The following SDK2 variants were observed in gnomAD, a reference collection of about 807,000 sequenced individuals.
The protein encoded by SDK2 is sidekick cell adhesion molecule 2.
In SDK2, 105 loss-of-function variants were observed where a neutral mutation model predicts 253.9. That is an observed-to-expected ratio of 0.41 (90% CI 0.35 to 0.49). The LOEUF (loss-of-function observed/expected upper bound fraction) is 0.49, where lower values mean the gene tolerates loss of function less well. Ranked by LOEUF, SDK2 falls within the 20% of genes least tolerant of loss-of-function variation. The probability of loss-of-function intolerance (pLI) is 0.06; values close to 1 mark genes in which losing one functional copy is unlikely to be tolerated. For synonymous variants in SDK2, 1,249 were observed against 1,234.9 expected (o/e 1.01, Z -0.24); for missense variants, 2,608 against 3,003.0 (o/e 0.87, Z 3.07).
At position 73,335,659 on chromosome 17, in the gene SDK2, C is replaced by T. The variant is rs777097558; in HGVS notation, c.*2928G>A. On this transcript the variant is annotated 3_prime_UTR_variant, in exon 45 of 45. Transcript: ENST00000392650. The stretch of plus-strand genomic sequence containing the variant: ...GAGTGGGTATTGACTAAGTGTGGGA[C>T]TTTCACCATGGGCCCAGCCTGATCT... 1 of 152,218 alleles carries T rather than the reference C, an allele frequency of 6.6e-6. No individual in the cohort carries two copies. The highest frequency in any genetic ancestry group is 2.4e-5 in the African/African-American group (1 of 41,424). The allele number at this position is 152,218 out of a possible 1,614,324, so 9.4% of individuals were successfully genotyped here.
chr17:73,379,648 G>T lies in SDK2; in HGVS notation c.4763-99C>A. ...TGGAGGCTGCAGGGGGAGGAATGAG[G>T]CACCCCCGCCATTCTAGCCCCCTCT... is the stretch of plus-strand genomic sequence containing the variant. On this transcript the variant is annotated intron_variant, in intron 34 of 44. Coordinates refer to ENST00000392650, the MANE Select transcript of SDK2 (RefSeq NM_001144952.2). This position sits in a 1 kb window ranked among gnomAD's most constrained non-coding sequence, Gnocchi z 4.5. 1 of 711,318 alleles carries T rather than the reference G, an allele frequency of 1.4e-6. No homozygotes were observed. Among genetic ancestry groups the T allele is most frequent in the Non-Finnish European group, 2.4e-6 (1 of 420,934 alleles). 44.1% of individuals were successfully genotyped at this position (711,318 alleles called of 1,614,324 possible). A position where few individuals can be genotyped will look rare whatever the true frequency, so the allele number is the denominator to read the frequency against.
chr17:73,498,494 C>T (rs570893908), intron 2 of SDK2, among the ~76,000 whole-genome samples: 69 of 152,298 alleles, frequency 4.5e-4, no homozygotes, highest in African/African-American at 1.6e-3. Context: ...AGCTCTGTGC[C>T]GGGCAGGCAG....
intron 1 of SDK2, among the ~76,000 whole-genome samples, chr17:73,562,225 G>A (rs183625387): frequency 1.1e-4 from 17 of 152,214 alleles, no homozygotes; most frequent in African/African-American, 2.2e-4. Flanking sequence ...AAAAAGACAC[G>A]CTCCAACGGG....
At chr17:73,585,276 C>T (rs2045589035) in intron 1 of SDK2, among the ~76,000 whole-genome samples, 2 of 152,198 alleles carry the variant, frequency 1.3e-5, no homozygotes, top group Middle Eastern at 3.2e-3. Flanking sequence ...ATGCGCTTCT[C>T]GTAGTGGGTG....
In SDK2 at chr17:73,363,350, G is replaced by A. The variant is rs550867332; in HGVS notation, c.5306-1505C>T. 5.9e-5 allele frequency among the ~76,000 whole-genome samples: 9 copies of A among 152,340 alleles called. No homozygotes were observed. In the South Asian group the frequency reaches 1.7e-3, roughly 28 times the overall value. ...CTCCCGAAGTGCTGGGATTGCAGGT[G>A]TGAGCCACTGCACCCGGCCGCTAAG... On this transcript the variant is annotated intron_variant, in intron 38 of 44. Transcript: ENST00000392650.
At chr17:73,363,707 C>G (rs2062660271) in intron 38 of SDK2, among the ~76,000 whole-genome samples, 1 of 152,004 alleles carries the variant, frequency 6.6e-6, no homozygotes, top group East Asian at 1.9e-4. Flanking sequence ...CAGTCCAGAT[C>G]CCACCAGACT....
At chr17:73,402,265 T>C in intron 18 of SDK2, 124 bp from the exon 19 acceptor site, 1 of 1,020,396 alleles carries the variant, frequency 9.8e-7, no homozygotes, top group Non-Finnish European at 1.4e-6. Context: ...TGGTGCCTCC[T>C]CCGAGGGAAG....
intron 2 of SDK2, among the ~76,000 whole-genome samples, chr17:73,487,563 A>G (rs1219780492): frequency 1.1e-4 from 17 of 152,234 alleles, no homozygotes. Flanking sequence ...GACCAGCCAC[A>G]GGAGCGTCAC....
intron 1 of SDK2, among the ~76,000 whole-genome samples, chr17:73,630,233 A>T (rs1313746299): frequency 2.6e-5 from 4 of 152,124 alleles, no homozygotes; most frequent in Non-Finnish European, 4.4e-5. Context: ...ACACCTGGGA[A>T]CTGTCAGAAA....
intron 1 of SDK2, among the ~76,000 whole-genome samples, chr17:73,529,710 T>C (rs1157591203): frequency 6.6e-6 from 1 of 151,728 alleles, no homozygotes; most frequent in Non-Finnish European, 1.5e-5. Flanking sequence ...TGCAGCAATA[T>C]ATCCACAAGT....
chr17:73,394,934 G>GC (rs1283293202), intron 25 of SDK2, among the ~76,000 whole-genome samples: 8 of 152,172 alleles, frequency 5.3e-5, no homozygotes, highest in Non-Finnish European at 1.2e-4. Flanking sequence ...GGATACCCCC[G>GC]CCCCCCTTGG....
intron 12 of SDK2, among the ~76,000 whole-genome samples, chr17:73,426,208 C>CTTTTTT (rs751417057): frequency 0.011 from 318 of 29,154 alleles, 22 homozygotes; most frequent in South Asian, 0.021. Context: ...CCATGCTGGG[C>CTTTTTT]TTTTTTTTTT....
At chr17:73,346,979 G>T (rs949531312) in intron 44 of SDK2, among the ~76,000 whole-genome samples, 4 of 152,172 alleles carry the variant, frequency 2.6e-5, no homozygotes, top group African/African-American at 9.7e-5. Context: ...GCAATGGTGG[G>T]GGCTCCGCAT....
At chr17:73,499,920 C>T (rs540704641) in intron 2 of SDK2, among the ~76,000 whole-genome samples, 8 of 148,848 alleles carry the variant, frequency 5.4e-5, no homozygotes, top group East Asian at 2.0e-4. Flanking sequence ...TTTGAGTGAT[C>T]GCCTTGCTCA....
Position 73,384,030 on chromosome 17 carries a change from G to A in SDK2, c.4570-19C>T, listed in dbSNP as rs1297603028. 6.2e-7 allele frequency: 1 copy of A among 1,610,838 alleles called. No individual in the cohort carries two copies. On this transcript the variant is annotated intron_variant, in intron 32 of 44. Coordinates refer to ENST00000392650, the MANE Select transcript of SDK2 (RefSeq NM_001144952.2). Reference sequence around the variant, plus strand: ...CTGGCGGCTGCAGGAAGGGAGTAGGGCATGGGGAGGGCACCTGGACCACCA... The same window carrying A: ...CTGGCGGCTGCAGGAAGGGAGTAGGACATGGGGAGGGCACCTGGACCACCA...
Position 73,383,667 on chromosome 17 carries a change from T to G in SDK2, c.4705+209A>C, listed in dbSNP as rs1040826634. On this transcript the variant is annotated intron_variant, in intron 33 of 44. Coordinates refer to ENST00000392650, the MANE Select transcript of SDK2 (RefSeq NM_001144952.2). This position sits in a 1 kb window ranked among gnomAD's most constrained non-coding sequence, Gnocchi z 4.3. Reference sequence around the variant, plus strand: ...ACCCTGTCTGTCTTGATCATTGGTGTGCCCCACAGTGACTCGGGGCCCATA... The same window carrying G: ...ACCCTGTCTGTCTTGATCATTGGTGGGCCCCACAGTGACTCGGGGCCCATA... Among the ~76,000 whole-genome samples, 4 of 152,192 alleles carry G rather than the reference T, an allele frequency of 2.6e-5. No homozygotes were observed. The highest frequency in any genetic ancestry group is 5.9e-5 in the Non-Finnish European group (4 of 68,032).
chr17:73,381,398 C>T (rs912336715), intron 33 of SDK2, among the ~76,000 whole-genome samples: 3 of 151,732 alleles, frequency 2.0e-5, no homozygotes, highest in South Asian at 2.1e-4. Context: ...AAATCACAAC[C>T]ACAAGCACAT....
At chr17:73,381,440 C>T (rs2062829801) in intron 33 of SDK2, among the ~76,000 whole-genome samples, 1 of 151,982 alleles carries the variant, frequency 6.6e-6, no homozygotes, top group South Asian at 2.1e-4. Flanking sequence ...GAAAAAAAGT[C>T]CACCAAAAAC....
At chr17:73,477,298 A>G (rs1308478513) in intron 2 of SDK2, among the ~76,000 whole-genome samples, 2 of 152,076 alleles carry the variant, frequency 1.3e-5, no homozygotes, top group Non-Finnish European at 2.9e-5. Context: ...GGCTGAGTCC[A>G]GCCCCATCCA....
Sources: gnomAD v4.1 joint callset for allele counts (sites outside exome capture counted in the v4.1 genomes callset) on GRCh38, gnomAD v4.1.1 for gene constraint, Gnocchi (gnomAD v3.1) non-coding constraint, MANE v1.5 for transcripts, NCBI Gene and HGNC (gene_info 2026-07-23, HGNC 2026-07-21) for gene names.